SOX5: variants seen among roughly 807,000 people sequenced by gnomAD.
SOX5 encodes transcription factor SOX-5.
SOX5 carries 9 observed loss-of-function variants against 92.0 expected under a neutral mutation model. The observed-to-expected ratio is 0.10, with a 90% CI of 0.06 to 0.17. The LOEUF (loss-of-function observed/expected upper bound fraction) is 0.17. Among genes scored for constraint, SOX5 ranks in the 10% least tolerant of loss-of-function variants. SOX5 has a pLI of 1.00. For synonymous variants in SOX5, 344 were observed against 336.3 expected, an observed-to-expected ratio of 1.02 and a Z score of -0.25; for missense variants, 642 against 944.5, an observed-to-expected ratio of 0.68 and a Z score of 4.20.
intron 4 of SOX5, among the ~76,000 whole-genome samples, chr12:23,743,322 T>G (rs1030790635): frequency 3.3e-5 from 5 of 152,082 alleles, no homozygotes; most frequent in Non-Finnish European, 7.4e-5. Flanking sequence ...CTTTTTTCTT[T>G]TTTTTGAGAT....
intron 1 of SOX5, among the ~76,000 whole-genome samples, chr12:24,560,293 A>T (rs935275089): frequency 3.6e-4 from 55 of 152,214 alleles, no homozygotes; most frequent in Non-Finnish European, 7.4e-5. Flanking sequence ...TAAACAACTC[A>T]TGTGATGAAA....
intron 4 of SOX5, among the ~76,000 whole-genome samples, chr12:24,095,122 C>CAG (rs1375437943): frequency 2.7e-3 from 252 of 93,966 alleles, no homozygotes; most frequent in South Asian, 5.6e-3. Context: ...CACACACACA[C>CAG]ACACACAGAG....
intron 4 of SOX5, among the ~76,000 whole-genome samples, chr12:24,091,246 G>C (rs1397020775): frequency 2.0e-5 from 3 of 152,062 alleles, no homozygotes; most frequent in Non-Finnish European, 2.9e-5. Context: ...GCAATAAAGG[G>C]AATAGAGGAT....
intron 4 of SOX5, among the ~76,000 whole-genome samples, chr12:24,188,515 T>C (rs956685235): frequency 6.6e-6 from 1 of 152,112 alleles, no homozygotes; most frequent in African/African-American, 2.4e-5. Flanking sequence ...ACATCTGAAC[T>C]GAGTCTTAAA....
intron 4 of SOX5, among the ~76,000 whole-genome samples, chr12:24,001,872 G>A (rs1481429511): frequency 6.6e-6 from 1 of 152,146 alleles, no homozygotes; most frequent in African/African-American, 2.4e-5. Context: ...GCTGAGGTGG[G>A]ATGACCACTG....
At chr12:24,014,540 TTTGATG>T (rs1953353183) in intron 4 of SOX5, among the ~76,000 whole-genome samples, 1 of 152,144 alleles carries the variant, frequency 6.6e-6, no homozygotes, top group Admixed American at 6.6e-5. Context: ...GACTTAAAAG[TTTGATG>T]TACAACAAAT....
chr12:24,351,010 T>C (rs568434115), intron 2 of SOX5, among the ~76,000 whole-genome samples: 2 of 152,064 alleles, frequency 1.3e-5, no homozygotes, highest in East Asian at 3.9e-4. Context: ...GTGAGCTGAG[T>C]TCATACCACT....
chr12:24,379,876 C>CTTTTTTTTTTTT (rs10652256), intron 1 of SOX5, among the ~76,000 whole-genome samples: 2 of 139,718 alleles, frequency 1.4e-5, no homozygotes, highest in Non-Finnish European at 3.0e-5. Context: ...CCAGAAGATT[C>CTTTTTTTTTTTT]TTTTTTTTTT....
chr12:24,111,177 A>AC (rs149747074), intron 4 of SOX5, among the ~76,000 whole-genome samples: 2 of 151,966 alleles, frequency 1.3e-5, no homozygotes, highest in Admixed American at 6.6e-5. Context: ...GGTAAAAATC[A>AC]CCCCCCATTG....
intron 3 of SOX5, among the ~76,000 whole-genome samples, chr12:23,813,976 T>A (rs555223709): frequency 6.6e-6 from 1 of 152,170 alleles, no homozygotes; most frequent in African/African-American, 2.4e-5. Flanking sequence ...TCTTGACATA[T>A]AAGCAATAAT....
intron 4 of SOX5, among the ~76,000 whole-genome samples, chr12:23,755,006 G>C (rs1023924932): frequency 6.6e-5 from 10 of 151,654 alleles, no homozygotes; most frequent in Non-Finnish European, 1.2e-4. Context: ...ACTGTGTTTT[G>C]AGAAAACATA....
At chr12:24,253,270 C>CT (rs61584024) in intron 3 of SOX5, among the ~76,000 whole-genome samples, 23,082 of 137,422 alleles carry the variant, frequency 0.17, 2,124 homozygotes, top group South Asian at 0.33. Flanking sequence ...ACGTGCACAT[C>CT]TTTTTTTTTT....
chr12:24,394,976 CA>C (rs1406329539), intron 1 of SOX5, among the ~76,000 whole-genome samples: 1 of 152,090 alleles, frequency 6.6e-6, no homozygotes, highest in Non-Finnish European at 1.5e-5. Context: ...TCCCCTAACA[CA>C]AAGCTTGATG....
At chr12:23,982,320 G>T (rs1463553384) in intron 4 of SOX5, among the ~76,000 whole-genome samples, 1 of 152,194 alleles carries the variant, frequency 6.6e-6, no homozygotes, top group Non-Finnish European at 1.5e-5. Context: ...TAGAATGCTT[G>T]TAACATTACA....
intron 1 of SOX5, among the ~76,000 whole-genome samples, chr12:24,389,412 T>C (rs1266929185): frequency 6.6e-6 from 1 of 152,204 alleles, no homozygotes; most frequent in Non-Finnish European, 1.5e-5. Context: ...TTATTGTATG[T>C]GTACCTCTTT....
chr12:23,759,540 C>T (rs2094507171), intron 3 of SOX5, among the ~76,000 whole-genome samples: 1 of 152,020 alleles, frequency 6.6e-6, no homozygotes, highest in South Asian at 2.1e-4. Context: ...CTGCTAGTTT[C>T]CACTGGTAGT....
chr12:23,920,316 G>A (rs1937794055), intron 1 of SOX5: 1 of 152,132 alleles, frequency 6.6e-6, no homozygotes, highest in South Asian at 2.1e-4. Flanking sequence ...GATATTGTTT[G>A]TATTTCACTT....
intron 4 of SOX5, among the ~76,000 whole-genome samples, chr12:24,049,458 A>T (rs1373960983): frequency 6.6e-6 from 1 of 152,194 alleles, no homozygotes; most frequent in Non-Finnish European, 1.5e-5. Context: ...TTTTAAAACA[A>T]TTAAGAGAAT....
At chr12:23,658,671 C>T (rs1445247533) in intron 7 of SOX5, among the ~76,000 whole-genome samples, 3 of 152,106 alleles carry the variant, frequency 2.0e-5, no homozygotes, top group Non-Finnish European at 4.4e-5. Context: ...ATGGGTGGAT[C>T]ACTTGAGGTA....
Sources: gnomAD v4.1 joint callset for allele counts (sites outside exome capture counted in the v4.1 genomes callset) on GRCh38, gnomAD v4.1.1 for gene constraint, MANE v1.5 for transcripts, NCBI Gene and HGNC (gene_info 2026-07-23, HGNC 2026-07-21) for gene names.